SLC25A44: variants seen among roughly 807,000 people sequenced by gnomAD.
SLC25A44 encodes the protein solute carrier family 25 member 44.
A neutral mutation model predicts 29.9 loss-of-function variants in SLC25A44; 17 were observed. That is an observed-to-expected ratio of 0.57 (90% CI 0.39 to 0.85). The LOEUF (loss-of-function observed/expected upper bound fraction) is 0.85, where lower values mean the gene tolerates loss of function less well. SLC25A44 is among the 40% of genes least tolerant of loss of function. SLC25A44 has a pLI of 0.00. For missense variants in SLC25A44, 302 were observed against 398.4 expected (o/e 0.76, Z 2.06); for synonymous variants, 140 against 151.8 (o/e 0.92, Z 0.57).
chr1:156,202,911 G>A (rs1048748918), intron 2 of SLC25A44, among the ~76,000 whole-genome samples: 1 of 152,190 alleles, frequency 6.6e-6, no homozygotes, highest in Admixed American at 6.5e-5. Context: ...GTTCACTATT[G>A]TACCTCCCAA....
intron 1 of SLC25A44, among the ~76,000 whole-genome samples, chr1:156,195,801 T>A (rs1656178517): frequency 6.6e-6 from 1 of 152,214 alleles, no homozygotes; most frequent in Non-Finnish European, 1.5e-5. Flanking sequence ...CTACCTTCTC[T>A]CGAGCCAGAA....
At chr1:156,208,461 T>C (rs1028141560) in intron 3 of SLC25A44, among the ~76,000 whole-genome samples, 4 of 151,914 alleles carry the variant, frequency 2.6e-5, no homozygotes, top group African/African-American at 7.3e-5. Context: ...AGTGAGACTT[T>C]GTCTCAAAAA....
rs774465858 is a variant in SLC25A44, at chr1:156,207,869, C to T, written c.626-17C>T. 69 of 1,613,560 alleles carry T rather than the reference C, an allele frequency of 4.3e-5. 1 individual carries two copies. The South Asian group carries it at 7.1e-4, about 17-fold the overall frequency. ...GGTGCTTTGTGTCTTTAGCCATTGT[C>T]TTTCCCTGGATTCCAGAGCAGCTCT... On this transcript the variant is annotated splice_polypyrimidine_tract_variant and intron_variant, in intron 2 of 3. Coordinates refer to ENST00000359511, the MANE Select transcript of SLC25A44 (RefSeq NM_014655.4).
At chr1:156,200,600 T>A in intron 2 of SLC25A44, 128 bp downstream of exon 2, 1 of 887,146 alleles carries the variant, frequency 1.1e-6, no homozygotes, top group Non-Finnish European at 1.7e-6. Flanking sequence ...TCAGCAAATG[T>A]TTGAATCCAG....
chr1:156,200,008 AC>A lies in SLC25A44; in HGVS notation c.163del (p.His55MetfsTer47), dbSNP rs1558177551. The A allele has an allele frequency of 1.2e-6, 2 of 1,614,068 alleles. No individual in the cohort carries two copies. The highest frequency in any genetic ancestry group is 1.7e-5 in the Admixed American group (1 of 60,010). ...RLQVQKGKSL[Y>X]HGTFDAFIKI... ...CAAGTTCAGAAGGGGAAGAGCCTCT[AC>A]CATGGGACCTTCGATGCCTTCATCA... is the stretch of plus-strand genomic sequence containing the variant. On this transcript the variant is annotated frameshift_variant, in exon 2 of 4. Transcript: ENST00000359511. LOFTEE classifies it high-confidence loss of function.
At chr1:156,196,774 A>G (rs1656235937) in intron 1 of SLC25A44, 2 of 152,278 alleles carry the variant, frequency 1.3e-5, no homozygotes, top group Admixed American at 1.3e-4. Flanking sequence ...CAGAGCTGCA[A>G]GAAGTCTCTG....
At position 156,210,225 on chromosome 1, in the gene SLC25A44, T is replaced by G; in HGVS notation, c.754-15T>G. On this transcript the variant is annotated splice_polypyrimidine_tract_variant and intron_variant, in intron 3 of 3. Transcript: ENST00000359511. ...GACTACAGACAATGGCCCTCCACTG[T>G]GTTGACTTTTCCAGGTTGAGGGCAA... 6.5e-7 allele frequency: 1 copy of G among 1,532,506 alleles called. No homozygotes were observed. 94.9% of individuals were successfully genotyped at this position (1,532,506 alleles called of 1,614,324 possible).
chr1:156,200,133 C>G lies in SLC25A44; in HGVS notation c.286C>G (p.Leu96Val). Residue 96 changes from leucine to valine, a missense_variant, in exon 2 of 4, where the codon CTC (leucine) becomes GTC (valine). Physicochemically the swap from Leu to Val is conservative, Grantham distance 32 (BLOSUM62 1). Coordinates refer to ENST00000359511, the MANE Select transcript of SLC25A44 (RefSeq NM_014655.4). ...CCAGTGTTATGTCACCACTTATGAG[C>G]TCACCCGGAAGTTTGTAGCTGACTA... is the stretch of plus-strand genomic sequence containing the variant. Reference protein sequence around the residue: ...SGQCYVTTYELTRKFVADYSQ... With the variant: ...SGQCYVTTYEVTRKFVADYSQ... 6.2e-7 allele frequency: 1 copy of G among 1,614,184 alleles called. No homozygotes were observed. Among genetic ancestry groups the G allele is most frequent in the Non-Finnish European group, 8.5e-7 (1 of 1,180,026 alleles).
Position 156,212,356 on chromosome 1 carries a change from C to T in SLC25A44, c.*1925C>T, listed in dbSNP as rs1001067983. 6.6e-6 allele frequency: 1 copy of T among 152,382 alleles called. No homozygotes were observed. The highest frequency in any genetic ancestry group is 2.4e-5 in the African/African-American group (1 of 41,434). 9.4% of individuals were successfully genotyped at this position (152,382 alleles called of 1,614,324 possible). ...ACAGGAGGTAGGATCCTGCCGCTCG[C>T]GTCTTAGTGTTTCTCCCTCAAGACT... On this transcript the variant is annotated 3_prime_UTR_variant, in exon 4 of 4. Transcript: ENST00000359511.
intron 3 of SLC25A44, among the ~76,000 whole-genome samples, chr1:156,209,757 T>G (rs554993573): frequency 6.6e-6 from 1 of 152,174 alleles, no homozygotes; most frequent in Non-Finnish European, 1.5e-5. Flanking sequence ...CTGGCAGAGC[T>G]GCAGAGGGTC....
chr1:156,210,200 G>C, intron 3 of SLC25A44, 40 bp from the exon 4 acceptor site: 2 of 1,435,640 alleles, frequency 1.4e-6, no homozygotes, highest in Non-Finnish European at 1.9e-6. Flanking sequence ...GAGGGGCTCT[G>C]ACTACAGACA....
chr1:156,203,699 CTTTTTTTTTTTTT>C (rs56890643), intron 2 of SLC25A44, among the ~76,000 whole-genome samples: 1 of 106,782 alleles, frequency 9.4e-6, no homozygotes, highest in Non-Finnish European at 1.8e-5. Context: ...ATTCTCTTTC[CTTTTTTTTTTTTT>C]TTTTTTTTTG....
At chr1:156,196,737 C>T (rs576036901) in intron 1 of SLC25A44, 1 of 152,326 alleles carries the variant, frequency 6.6e-6, no homozygotes, top group African/African-American at 2.4e-5. Flanking sequence ...ACTAGGAAAG[C>T]AGAGGCAGCT....
chr1:156,200,348 G>A lies in SLC25A44; in HGVS notation c.501G>A (p.Lys167=), dbSNP rs1226795190. Residue 167 remains lysine (K), a synonymous_variant, in exon 2 of 4, where the codon AAG becomes AAA. Coordinates refer to ENST00000359511, the MANE Select transcript of SLC25A44 (RefSeq NM_014655.4). ...GQGVVAFGQT[K]DIIRQILQAD... Reference sequence around the variant, plus strand: ...GGGTAGTTGCCTTTGGCCAAACCAAGGACATCATCAGGCAGATCCTGCAGG... The same window carrying A: ...GGGTAGTTGCCTTTGGCCAAACCAAAGACATCATCAGGCAGATCCTGCAGG... The A allele has an allele frequency of 6.2e-7, 1 of 1,614,136 alleles. No individual in the cohort carries two copies. Among genetic ancestry groups the A allele is most frequent in the Non-Finnish European group, 8.5e-7 (1 of 1,180,036 alleles).
intron 1 of SLC25A44, 69 bp from the exon 2 acceptor site, chr1:156,199,766 C>T (rs1656432357): frequency 7.1e-7 from 1 of 1,401,088 alleles, no homozygotes; most frequent in African/African-American, 1.4e-5. Context: ...CTTCAGAGCC[C>T]AGCCAGAAGG....
intron 1 of SLC25A44, chr1:156,199,587 C>G (rs1421372138): frequency 6.0e-6 from 3 of 497,412 alleles, no homozygotes; most frequent in Non-Finnish European, 1.1e-5. Context: ...AAGTGAGGGA[C>G]AATTTCTGGA....
chr1:156,199,705 G>GA, intron 1 of SLC25A44, 130 bp from the exon 2 acceptor site: 1 of 713,058 alleles, frequency 1.4e-6, no homozygotes, highest in South Asian at 1.9e-5. Context: ...ATTGGGTGGA[G>GA]TCCAAGCTTT....
rs1424661703 is a variant in SLC25A44, at chr1:156,200,187, G to A, written c.340G>A (p.Val114Met). The A allele has an allele frequency of 6.2e-7, 1 of 1,614,076 alleles. No individual in the cohort carries two copies. The highest frequency in any genetic ancestry group is 8.5e-7 in the Non-Finnish European group (1 of 1,180,042). ...CCAGAGTAACACAGTCAAATCACTG[G>A]TGGCTGGTGGCTCAGCCTCCCTTGT... ...YSQSNTVKSL[V>M]AGGSASLVAQ... Residue 114 changes from valine to methionine, a missense_variant, in exon 2 of 4, where the codon GTG (valine) becomes ATG (methionine). Val to Met is a conservative substitution (Grantham distance 21, BLOSUM62 1). Coordinates refer to ENST00000359511, the MANE Select transcript of SLC25A44 (RefSeq NM_014655.4).
intron 2 of SLC25A44, among the ~76,000 whole-genome samples, chr1:156,205,146 C>T (rs563754909): frequency 2.6e-5 from 4 of 151,992 alleles, no homozygotes; most frequent in Admixed American, 6.6e-5. Context: ...CGGGTTCAAG[C>T]GATTCTCCTG....
Sources: allele counts gnomAD v4.1 joint callset (sites outside exome capture counted in the v4.1 genomes callset), GRCh38; gene constraint gnomAD v4.1.1; transcripts MANE v1.5; gene names NCBI Gene and HGNC (gene_info 2026-07-23, HGNC 2026-07-21).